XXYLT1: variants seen among roughly 807,000 people sequenced by gnomAD.
XXYLT1 encodes the protein xyloside xylosyltransferase 1.
Under a neutral mutation model 28.9 loss-of-function variants are expected in XXYLT1, and 20 were observed. The observed-to-expected ratio is 0.69, with a 90% CI of 0.49 to 1.00. The LOEUF (loss-of-function observed/expected upper bound fraction) is 1.00. XXYLT1 is among the 50% of genes least tolerant of loss of function. The pLI, the probability that XXYLT1 is intolerant of heterozygous loss-of-function variation, is 0.00. For missense variants in XXYLT1, 542 were observed against 560.1 expected, an observed-to-expected ratio of 0.97 and a Z score of 0.33; for synonymous variants, 257 against 253.8, an observed-to-expected ratio of 1.01 and a Z score of -0.12.
intron 3 of XXYLT1, among the ~76,000 whole-genome samples, chr3:195,081,047 G>A (rs114521299): frequency 0.035 from 5,281 of 152,294 alleles, 306 homozygotes; most frequent in African/African-American, 0.12. Context: ...TAATTGGCAC[G>A]GTGACAGTGT....
Position 195,180,199 on chromosome 3 carries a change from T to G in XXYLT1, c.653-23618A>C, listed in dbSNP as rs1014076211. On this transcript the variant is annotated intron_variant, in intron 2 of 3. Transcript: ENST00000310380. This position sits in a 1 kb window ranked among gnomAD's most constrained non-coding sequence, Gnocchi z 5.8. The stretch of plus-strand genomic sequence containing the variant: ...AGCAGGCCTGGGGTGGTCTGGCTTA[T>G]GCACAGTCATTTCTAACGCCAGATC... Among the ~76,000 whole-genome samples the G allele has an allele frequency of 1.2e-4, 18 of 152,182 alleles. No homozygotes were observed. Among genetic ancestry groups the G allele is most frequent in the South Asian group, 1.0e-3 (5 of 4,832 alleles).
intron 2 of XXYLT1, among the ~76,000 whole-genome samples, chr3:195,224,757 A>T (rs570236687): frequency 1.3e-5 from 2 of 152,234 alleles, no homozygotes; most frequent in East Asian, 3.9e-4. Context: ...CCTAGCGGGG[A>T]TTCCTGCAAG....
intron 1 of XXYLT1, among the ~76,000 whole-genome samples, chr3:195,251,165 C>T (rs945406609): frequency 1.1e-4 from 16 of 152,234 alleles, no homozygotes; most frequent in East Asian, 1.9e-4. Context: ...CCTGCTGCCC[C>T]GCGGGCAGGT....
intron 3 of XXYLT1, among the ~76,000 whole-genome samples, chr3:195,140,502 T>C (rs79184846): frequency 0.026 from 3,894 of 152,294 alleles, 170 homozygotes; most frequent in African/African-American, 0.088. Flanking sequence ...GGTTGATTTA[T>C]GTAGAAAAGA....
chr3:195,267,433 C>T (rs1202864647), intron 1 of XXYLT1, among the ~76,000 whole-genome samples: 1 of 152,218 alleles, frequency 6.6e-6, no homozygotes, highest in Non-Finnish European at 1.5e-5. Flanking sequence ...GTAACTTCTC[C>T]AGAAAGCCTT....
chr3:195,200,985 T>C (rs1191540493), intron 2 of XXYLT1, among the ~76,000 whole-genome samples: 1 of 152,206 alleles, frequency 6.6e-6, no homozygotes, highest in Non-Finnish European at 1.5e-5. Flanking sequence ...GAAATAACCC[T>C]GTCCCAGCCC....
intron 1 of XXYLT1, among the ~76,000 whole-genome samples, chr3:195,252,898 T>C (rs1725327496): frequency 6.6e-6 from 1 of 152,174 alleles, no homozygotes; most frequent in Admixed American, 6.5e-5. Context: ...GGGAGGCGTT[T>C]ATGGCATACG....
chr3:195,098,046 G>A (rs975807438), intron 3 of XXYLT1, among the ~76,000 whole-genome samples: 4 of 152,098 alleles, frequency 2.6e-5, no homozygotes, highest in South Asian at 4.1e-4. Context: ...AGAGAGTGGC[G>A]GAGGAGACAA....
chr3:195,122,632 G>A (rs886234279), intron 3 of XXYLT1, among the ~76,000 whole-genome samples: 1 of 152,248 alleles, frequency 6.6e-6, no homozygotes, highest in African/African-American at 2.4e-5. Flanking sequence ...TCCACAGGAA[G>A]GGGGAGGCGA....
chr3:195,075,890 G>A (rs1715085462), intron 3 of XXYLT1, among the ~76,000 whole-genome samples: 2 of 152,200 alleles, frequency 1.3e-5, no homozygotes, highest in Admixed American at 6.5e-5. Flanking sequence ...GGCTGAGTGG[G>A]CACTGGGGTT....
In XXYLT1 at chr3:195,102,567, T is replaced by G. The variant is rs183212979; in HGVS notation, c.786-32456A>C. 1.3e-3 allele frequency among the ~76,000 whole-genome samples: 203 copies of G among 152,358 alleles called. 1 individual carries two copies. The highest frequency in any genetic ancestry group is 4.7e-3 in the African/African-American group (194 of 41,580). ...ACATATTTTTTCTCTGTGTCTGGCT[T>G]ATTTCACTTAGCAATAATGTCCTCC... On this transcript the variant is annotated intron_variant, in intron 3 of 3. Transcript: ENST00000310380.
At chr3:195,107,342 C>T (rs1003400741) in intron 3 of XXYLT1, among the ~76,000 whole-genome samples, 16 of 150,512 alleles carry the variant, frequency 1.1e-4, no homozygotes, top group Non-Finnish European at 1.9e-4. Context: ...GGCATGGTGG[C>T]GGGCACCTGT....
intron 2 of XXYLT1, among the ~76,000 whole-genome samples, chr3:195,203,439 G>T (rs979593995): frequency 6.6e-6 from 1 of 152,046 alleles, no homozygotes; most frequent in Non-Finnish European, 1.5e-5. Context: ...ATCCCTGGGG[G>T]CCCACATATC....
intron 1 of XXYLT1, among the ~76,000 whole-genome samples, chr3:195,264,808 C>T (rs747111003): frequency 1.3e-5 from 2 of 152,156 alleles, no homozygotes; most frequent in Non-Finnish European, 2.9e-5. Context: ...CTCACAACTG[C>T]AGTCCAACAT....
Position 195,170,004 on chromosome 3 carries a change from T to TACAGGCATGCGCCG in XXYLT1, c.653-13424_653-13423insCGGCGCATGCCTGT, listed in dbSNP as rs56999393. Among the ~76,000 whole-genome samples, 17 of 150,204 alleles carry TACAGGCATGCGCCG rather than the reference T, an allele frequency of 1.1e-4. No homozygotes were observed. In the East Asian group the frequency reaches 3.3e-3, roughly 29 times the overall value. On this transcript the variant is annotated intron_variant, in intron 2 of 3. Coordinates refer to ENST00000310380, the MANE Select transcript of XXYLT1 (RefSeq NM_152531.5). ...CCTCAGCCTTCCAAGTAGCTGGGAT[T>TACAGGCATGCGCCG]TCATGCCCGGCTAATTTTGTATTTT...
intron 1 of XXYLT1, among the ~76,000 whole-genome samples, chr3:195,233,173 A>G (rs539157560): frequency 1.3e-5 from 2 of 150,736 alleles, no homozygotes; most frequent in East Asian, 1.9e-4. Flanking sequence ...TTTATCTGAT[A>G]TAAGTATAGC....
chr3:195,270,223 A>T, intron 1 of XXYLT1: 1 of 575,702 alleles, frequency 1.7e-6, no homozygotes. Context: ...ACATAAACAG[A>T]GGTGCAGACT....
chr3:195,270,240 G>A, intron 1 of XXYLT1: 1 of 598,432 alleles, frequency 1.7e-6, no homozygotes, highest in Non-Finnish European at 3.0e-6. Context: ...GACTCTGAAG[G>A]CAGTGCTGAA....
Position 195,271,009 on chromosome 3 carries a change from A to G in XXYLT1, c.50T>C (p.Leu17Pro). 6 of 1,475,502 alleles carry G rather than the reference A, an allele frequency of 4.1e-6. No homozygotes were observed. The highest frequency in any genetic ancestry group is 5.4e-6 in the Non-Finnish European group (6 of 1,118,288). 91.4% of individuals were successfully genotyped at this position (1,475,502 alleles called of 1,614,324 possible). The change falls in exon 1 of 4, where the codon CTG (leucine) becomes CCG (proline). Residue 17 changes from leucine (L) to proline (P), a missense_variant. By Grantham distance (98) the Leu-to-Pro change is moderately conservative. Transcript: ENST00000310380. ...GCAGTAGTGGGAGCGCACAGCGCCC[A>G]GGCGCGCCATGGCCCGAGCGCATGG... ...GLPCARAMAR[L>P]GAVRSHYCAL... is the part of the protein sequence containing the mutation.
Sources: allele counts gnomAD v4.1 joint callset (sites outside exome capture counted in the v4.1 genomes callset), GRCh38; gene constraint gnomAD v4.1.1; non-coding constraint Gnocchi (gnomAD v3.1); transcripts MANE v1.5; gene names NCBI Gene and HGNC (gene_info 2026-07-23, HGNC 2026-07-21).